The following NOL7 variants were observed in gnomAD, a reference collection of about 807,000 sequenced individuals.
NOL7 encodes the protein nucleolar protein 7.
In NOL7, 36 loss-of-function variants were observed where a neutral mutation model predicts 38.4. That is an observed-to-expected ratio of 0.94 (90% confidence interval 0.72 to 1.24). The LOEUF (loss-of-function observed/expected upper bound fraction) is 1.24, where lower values mean the gene tolerates loss of function less well. Among genes scored for constraint, NOL7 ranks in the 50% most tolerant of loss-of-function variants. The pLI is 0.00. For synonymous variants in NOL7, 142 were observed against 126.5 expected, an observed-to-expected ratio of 1.12 and a Z score of -0.82; for missense variants, 350 against 315.1, an observed-to-expected ratio of 1.11 and a Z score of -0.84.
chr6:13,623,911 CAAG>C (rs1270513757), downstream of NOL7, among the ~76,000 whole-genome samples: 3 of 152,200 alleles, frequency 2.0e-5, no homozygotes, highest in South Asian at 4.1e-4. Context: ...TTGAAGAACT[CAAG>C]AAACTAAATT....
At chr6:13,623,119 A>T (rs1764500879), downstream of NOL7, among the ~76,000 whole-genome samples, 1 of 152,196 alleles carries the variant, frequency 6.6e-6, no homozygotes, top group African/African-American at 2.4e-5. Context: ...GGTCCTGCAT[A>T]TCATAAGTTT....
intron 8 of NOL7, among the ~76,000 whole-genome samples, chr6:13,627,522 C>T (rs1228257110): frequency 4.0e-5 from 6 of 149,132 alleles, no homozygotes; most frequent in Non-Finnish European, 5.9e-5. Flanking sequence ...CTCAGCTACT[C>T]GGGAGGCTGA....
At chr6:13,624,708 G>C (rs1167637938), downstream of NOL7, among the ~76,000 whole-genome samples, 1 of 152,148 alleles carries the variant, frequency 6.6e-6, no homozygotes, top group Non-Finnish European at 1.5e-5. Flanking sequence ...GCAACCAAAC[G>C]AACATCGAAT....
chr6:13,629,901 C>G (rs1017561925), intron 8 of NOL7, among the ~76,000 whole-genome samples: 10 of 119,062 alleles, frequency 8.4e-5, no homozygotes, highest in Middle Eastern at 3.9e-3. Context: ...CTCTGTCTCT[C>G]TCTCTCTCTC....
chr6:13,622,543 A>G, downstream of NOL7: 2 of 1,496,170 alleles, frequency 1.3e-6, no homozygotes, highest in Non-Finnish European at 1.8e-6. Context: ...AGACATTTTA[A>G]AAAACATTTC....
intron 5 of NOL7, among the ~76,000 whole-genome samples, chr6:13,618,546 C>T (rs114902651): frequency 0.011 from 1,738 of 152,180 alleles, 23 homozygotes; most frequent in African/African-American, 0.038. Context: ...CGCGCCCGGC[C>T]GGGAAAATAT....
intron 3 of NOL7, among the ~76,000 whole-genome samples, 193 bp from the exon 4 acceptor site, chr6:13,617,577 A>G (rs761961417): frequency 6.6e-6 from 1 of 152,166 alleles, no homozygotes; most frequent in Non-Finnish European, 1.5e-5. Context: ...AGATCTTCCA[A>G]TGCTTGAGAG....
intron 8 of NOL7, among the ~76,000 whole-genome samples, chr6:13,630,812 T>C (rs1562296596): frequency 6.6e-6 from 1 of 151,896 alleles, no homozygotes. Flanking sequence ...TACAAAAAAA[T>C]ATAAAGCAAT....
At chr6:13,629,953 A>C (rs1182544554) in intron 8 of NOL7, among the ~76,000 whole-genome samples, 1 of 147,338 alleles carries the variant, frequency 6.8e-6, no homozygotes, top group East Asian at 2.0e-4. Flanking sequence ...TATTTGCATG[A>C]ACTTCTGAGT....
At chr6:13,617,298 A>G (rs1035904526) in intron 3 of NOL7, among the ~76,000 whole-genome samples, 1 of 150,374 alleles carries the variant, frequency 6.7e-6, no homozygotes, top group African/African-American at 2.5e-5. Context: ...CTCCTGTGCA[A>G]ATGCTTCTGT....
In NOL7 at chr6:13,615,552, A is replaced by G; in HGVS notation, c.194A>G (p.Glu65Gly). The G allele has an allele frequency of 6.4e-7, 1 of 1,562,670 alleles. No individual in the cohort carries two copies. The highest frequency in any genetic ancestry group is 8.7e-7 in the Non-Finnish European group (1 of 1,152,474). The change falls in exon 1 of 8, where the codon GAG (glutamate) becomes GGG (glycine). Residue 65 changes from glutamate to glycine, a missense_variant. Coordinates refer to ENST00000451315, the MANE Select transcript of NOL7 (RefSeq NM_016167.5). ...GDDEFDDEAP[E>G]ELTFASAQAE... Reference sequence around the variant, plus strand: ...GATGAGTTTGACGATGAGGCCCCGGAGGAGCTGACTTTCGCCAGCGCCCAG... The same window carrying G: ...GATGAGTTTGACGATGAGGCCCCGGGGGAGCTGACTTTCGCCAGCGCCCAG...
At chr6:13,619,416 C>G (rs1764376569) in intron 5 of NOL7, among the ~76,000 whole-genome samples, 1 of 152,228 alleles carries the variant, frequency 6.6e-6, no homozygotes, top group Admixed American at 6.5e-5. Context: ...GCATTCAGTA[C>G]AGCTTGGTGG....
intron 2 of NOL7, 25 bp from the exon 3 acceptor site, chr6:13,616,438 A>G (rs1260550611): frequency 5.1e-6 from 8 of 1,563,866 alleles, no homozygotes; most frequent in Middle Eastern, 1.7e-4. Flanking sequence ...CTTTCTATTA[A>G]TTTTAAACGT....
intron 5 of NOL7, among the ~76,000 whole-genome samples, chr6:13,618,988 TTTA>T (rs1371552566): frequency 6.6e-6 from 1 of 152,250 alleles, no homozygotes; most frequent in Admixed American, 6.5e-5. Context: ...TTTTAGTGGT[TTTA>T]TTATTGAGAA....
chr6:13,618,284 A>G, intron 5 of NOL7, 145 bp downstream of exon 5: 1 of 236,492 alleles, frequency 4.2e-6, no homozygotes, highest in Non-Finnish European at 8.4e-6. Flanking sequence ...TCTGTCGCCC[A>G]GGCCGGACTG....
Position 13,618,121 on chromosome 6 carries a change from A to C in NOL7, c.482A>C (p.Gln161Pro), listed in dbSNP as rs759536441. Residue 161 changes from glutamine (Q) to proline (P), a missense_variant, in exon 5 of 8, where the codon CAA becomes CCA. Gln to Pro is a moderately conservative substitution (Grantham distance 76). Coordinates refer to ENST00000451315, the MANE Select transcript of NOL7 (RefSeq NM_016167.5). ...AATGACTCCAAGAAAGTTAAAGTAC[A>C]AAAAGTACAGTCTGTCAGGTAATGA... ...KGNDSKKVKV[Q>P]KVQSVSQNKS... 1.8e-5 allele frequency: 29 copies of C among 1,591,466 alleles called. No homozygotes were observed. Among genetic ancestry groups the C allele is most frequent in the Non-Finnish European group, 2.4e-5 (28 of 1,160,858 alleles).
intron 8 of NOL7, chr6:13,632,377 A>G (rs1554221484): frequency 6.2e-7 from 1 of 1,606,428 alleles, no homozygotes; most frequent in Non-Finnish European, 8.5e-7. Flanking sequence ...CACCTTCAAC[A>G]TTTTTTTGTT....
At chr6:13,620,731 C>T in intron 7 of NOL7, 23 bp from the exon 8 acceptor site, 6 of 1,477,134 alleles carry the variant, frequency 4.1e-6, no homozygotes, top group Non-Finnish European at 5.6e-6. Flanking sequence ...AATATACTTA[C>T]TGCAGAAAAC....
chr6:13,616,486 T>C lies in NOL7; in HGVS notation c.351T>C (p.Thr117=), dbSNP rs1369252002. The stretch of plus-strand genomic sequence containing the variant: ...AGAAAAGAAAACTCCTTCCAGACAC[T>C]ATTTTGGAGAAGTTAACCACAGCTT... ...EQKKRKLLPD[T]ILEKLTTASQ... The change falls in exon 3 of 8, where the codon ACT becomes ACC. Residue 117 remains threonine, a synonymous_variant. Coordinates refer to ENST00000451315, the MANE Select transcript of NOL7 (RefSeq NM_016167.5). 6.2e-7 allele frequency: 1 copy of C among 1,608,890 alleles called. No individual in the cohort carries two copies. Among genetic ancestry groups the C allele is most frequent in the Admixed American group, 1.7e-5 (1 of 59,150 alleles).
Sources: allele counts gnomAD v4.1 joint callset (sites outside exome capture counted in the v4.1 genomes callset), GRCh38; gene constraint gnomAD v4.1.1; transcripts MANE v1.5; gene names NCBI Gene and HGNC (gene_info 2026-07-23, HGNC 2026-07-21).